EXPH5: variants seen among roughly 807,000 people sequenced by gnomAD.
EXPH5 encodes the protein exophilin 5.
In EXPH5, 42 loss-of-function variants were observed where a neutral mutation model predicts 41.1. The observed-to-expected ratio is 1.02, with a 90% CI of 0.80 to 1.32. The LOEUF (loss-of-function observed/expected upper bound fraction) is 1.32. Among genes scored for constraint, EXPH5 ranks in the 40% most tolerant of loss-of-function variants. The pLI is 0.00. For synonymous variants in EXPH5, 798 were observed against 833.5 expected (o/e 0.96, Z 0.73); for missense variants, 2,298 against 2,314.5 (o/e 0.99, Z 0.15).
At chr11:108,515,933 G>T (rs1054929247) in intron 5 of EXPH5, among the ~76,000 whole-genome samples, 1 of 151,998 alleles carries the variant, frequency 6.6e-6, no homozygotes, top group Non-Finnish European at 1.5e-5. Flanking sequence ...TTAGCCGGGC[G>T]TGGTGGCGGG....
Position 108,512,362 on chromosome 11 carries a change from G to T in EXPH5, c.3145C>A (p.Pro1049Thr). 1.2e-6 allele frequency: 2 copies of T among 1,610,834 alleles called. No homozygotes were observed. The highest frequency in any genetic ancestry group is 2.2e-5 in the South Asian group (2 of 90,244). Residue 1049 changes from proline to threonine, a missense_variant, in exon 6 of 6, where the codon CCA becomes ACA. Transcript: ENST00000265843. Reference protein sequence around the residue: ...KIMAASLRNGPPPFQIKNNVE... With the variant: ...KIMAASLRNGTPPFQIKNNVE... ...TTATTTTTGATTTGGAAGGGAGGTG[G>T]CCCATTCCTCAATGAAGCAGCCATT...
rs539064704 is a variant in EXPH5, at chr11:108,527,343, A to G, written c.492+793T>C. Reference sequence around the variant, plus strand: ...TCAAAAAAAAAGAACCTCTGTTTATATGCACTCCTCCTCACCAGAATTTTA... The same window carrying G: ...TCAAAAAAAAAGAACCTCTGTTTATGTGCACTCCTCCTCACCAGAATTTTA... On this transcript the variant is annotated intron_variant, in intron 4 of 5. Coordinates refer to ENST00000265843, the MANE Select transcript of EXPH5 (RefSeq NM_015065.3). Among the ~76,000 whole-genome samples, 17 of 152,194 alleles carry G rather than the reference A, an allele frequency of 1.1e-4. No homozygotes were observed. In the East Asian group the frequency reaches 3.3e-3, roughly 29 times the overall value.
chr11:108,604,406 C>T, the EXPH5 span, among the ~76,000 whole-genome samples: 16 of 151,574 alleles, frequency 1.1e-4, no homozygotes, highest in African/African-American at 2.7e-4. Context: ...AAAAGAAAGG[C>T]GGGGGGTGGG....
intron 1 of EXPH5, among the ~76,000 whole-genome samples, chr11:108,570,258 A>T (rs1350808616): frequency 7.2e-6 from 1 of 139,170 alleles, no homozygotes; most frequent in Non-Finnish European, 1.6e-5. Flanking sequence ...AAAAAAAATT[A>T]TTTTTTATTT....
intron 1 of EXPH5, among the ~76,000 whole-genome samples, chr11:108,545,005 T>C (rs2093931056): frequency 6.6e-6 from 1 of 151,914 alleles, no homozygotes; most frequent in South Asian, 2.1e-4. Flanking sequence ...GTGTTGTCAC[T>C]TTTCCATTAT....
intron 2 of EXPH5, among the ~76,000 whole-genome samples, chr11:108,541,014 C>T (rs1230801067): frequency 6.6e-6 from 1 of 152,166 alleles, no homozygotes; most frequent in Admixed American, 6.5e-5. Context: ...AAATGATCCT[C>T]CTGCCTCAGC....
At chr11:108,605,734 T>C in the EXPH5 span, among the ~76,000 whole-genome samples, 90,567 of 152,088 alleles carry the variant, frequency 0.6, 27,905 homozygotes, top group East Asian at 0.71. Context: ...TGATGCTTCA[T>C]GTGCTTGCCA....
intron 1 of EXPH5, among the ~76,000 whole-genome samples, chr11:108,592,095 A>C (rs1209026674): frequency 6.6e-6 from 1 of 152,152 alleles, no homozygotes; most frequent in Non-Finnish European, 1.5e-5. Flanking sequence ...GCATATGTGT[A>C]GGTACATTAT....
At chr11:108,539,321 G>A (rs1378746477) in intron 2 of EXPH5, 135 bp from the exon 3 acceptor site, 14 of 608,494 alleles carry the variant, frequency 2.3e-5, no homozygotes, top group Non-Finnish European at 3.4e-5. Flanking sequence ...CTCACATGAA[G>A]ACCTCAGGGA....
chr11:108,520,906 T>G (rs1370114377), intron 4 of EXPH5, among the ~76,000 whole-genome samples: 1 of 152,220 alleles, frequency 6.6e-6, no homozygotes, highest in African/African-American at 2.4e-5. Context: ...ATGTTTATCT[T>G]TATTTCATAA....
intron 3 of EXPH5, chr11:108,538,277 G>A (rs1333139082): frequency 2.0e-6 from 2 of 984,710 alleles, no homozygotes; most frequent in Non-Finnish European, 2.4e-6. Context: ...CACCTTAAGA[G>A]GGTGGGAAGC....
chr11:108,559,905 C>A (rs1412497337), intron 1 of EXPH5, among the ~76,000 whole-genome samples: 1 of 152,160 alleles, frequency 6.6e-6, no homozygotes, highest in Non-Finnish European at 1.5e-5. Context: ...CTTAATTCAC[C>A]CTTTGTATCA....
chr11:108,607,527 A>G, the EXPH5 span, among the ~76,000 whole-genome samples: 156 of 152,328 alleles, frequency 1.0e-3, no homozygotes, highest in African/African-American at 3.6e-3. Flanking sequence ...TGGTGGCTCT[A>G]CGATGTACTA....
At chr11:108,594,474 G>GT (rs1192636765), upstream of EXPH5, among the ~76,000 whole-genome samples, 3 of 152,130 alleles carry the variant, frequency 2.0e-5, no homozygotes, top group African/African-American at 7.2e-5. Flanking sequence ...TAATCCTCTG[G>GT]TGAAAGCAAA....
Position 108,511,451 on chromosome 11 carries a change from T to A in EXPH5, c.4056A>T (p.Ala1352=). The change falls in exon 6 of 6, where the codon GCA becomes GCT. Residue 1352 remains alanine (A), a synonymous_variant. Transcript: ENST00000265843. ...PTLQEMASVE[A]AVSLPEEESK... ...ATTCCTCTTCAGGAAGAGAAACAGC[T>A]GCCTCAACAGAAGCCATTTCCTGTA... The A allele has an allele frequency of 6.3e-7, 1 of 1,583,388 alleles. No individual in the cohort carries two copies. Among genetic ancestry groups the A allele is most frequent in the Non-Finnish European group, 8.6e-7 (1 of 1,169,350 alleles).
chr11:108,573,994 CG>C (rs1230260591), intron 1 of EXPH5, among the ~76,000 whole-genome samples: 4 of 152,038 alleles, frequency 2.6e-5, no homozygotes, highest in Admixed American at 2.0e-4. Context: ...CTCCGCCTCC[CG>C]GGTTCACACC....
chr11:108,562,902 T>C (rs1255998997), intron 1 of EXPH5, among the ~76,000 whole-genome samples: 3 of 152,234 alleles, frequency 2.0e-5, no homozygotes, highest in African/African-American at 7.2e-5. Flanking sequence ...TCATGTGTTT[T>C]AAAGCAGTAG....
Position 108,510,188 on chromosome 11 carries a change from A to AAAC in EXPH5, c.5318_5319insGTT (p.Ser1772_Phe1773insLeu). 6.2e-7 allele frequency: 1 copy of AAAC among 1,614,106 alleles called. No individual in the cohort carries two copies. The highest frequency in any genetic ancestry group is 8.5e-7 in the Non-Finnish European group (1 of 1,180,032). On this transcript the variant is annotated inframe_insertion, in exon 6 of 6. Transcript: ENST00000265843. Reference sequence around the variant, plus strand: ...ATGAAGCACTCCTTTGTTGCTGCAGAAAACTGGCCAGTGGACTGCTTACTC... The same window carrying AAAC: ...ATGAAGCACTCCTTTGTTGCTGCAGAAACAAACTGGCCAGTGGACTGCTTACTC...
Position 108,512,476 on chromosome 11 carries a change from T to C in EXPH5, c.3031A>G (p.Lys1011Glu), listed in dbSNP as rs1443048510. ...SLIEANQSNS[K>E]VSELDTIYCT... Reference sequence around the variant, plus strand: ...TAAATTGTGTCAAGTTCAGAAACTTTGGAATTGCTTTGATTTGCTTCAATG... The same window carrying C: ...TAAATTGTGTCAAGTTCAGAAACTTCGGAATTGCTTTGATTTGCTTCAATG... Residue 1011 changes from lysine (K) to glutamate (E), a missense_variant, in exon 6 of 6, where the codon AAA becomes GAA. Lys to Glu is a moderately conservative substitution (Grantham distance 56). Transcript: ENST00000265843. 11 of 1,613,936 alleles carry C rather than the reference T, an allele frequency of 6.8e-6. No individual in the cohort carries two copies. The highest frequency in any genetic ancestry group is 8.5e-6 in the Non-Finnish European group (10 of 1,180,014).
Sources: allele counts gnomAD v4.1 joint callset (sites outside exome capture counted in the v4.1 genomes callset), GRCh38; gene constraint gnomAD v4.1.1; transcripts MANE v1.5; gene names NCBI Gene and HGNC (gene_info 2026-07-23, HGNC 2026-07-21).